The following PIK3C2G variants were observed in gnomAD, a reference collection of about 807,000 sequenced individuals.
PIK3C2G encodes the protein phosphatidylinositol-4-phosphate 3-kinase catalytic subunit type 2 gamma.
PIK3C2G carries 168 observed loss-of-function variants against 181.1 expected under a neutral mutation model. That is an observed-to-expected ratio of 0.93 (90% confidence interval 0.82 to 1.05). The LOEUF (loss-of-function observed/expected upper bound fraction) is 1.05, where lower values mean the gene tolerates loss of function less well. PIK3C2G is among the 50% of genes least tolerant of loss of function. PIK3C2G has a pLI of 0.00. For synonymous variants in PIK3C2G, 573 were observed against 592.2 expected (o/e 0.97, Z 0.47); for missense variants, 1,869 against 1,732.8 (o/e 1.08, Z -1.40).
chr12:18,705,084 C>A, the PIK3C2G span: 3 of 1,528,510 alleles, frequency 2.0e-6, no homozygotes, highest in East Asian at 4.5e-5. Context: ...TGGTCTCTAG[C>A]CCAGTTTCAC....
the PIK3C2G span, chr12:18,705,399 TA>T: frequency 6.6e-7 from 1 of 1,509,936 alleles, no homozygotes; most frequent in African/African-American, 1.4e-5. Context: ...TAATGTATTT[TA>T]AAACTTACTT....
At chr12:18,558,922 A>C (rs946978992) in intron 26 of PIK3C2G, among the ~76,000 whole-genome samples, 3 of 152,206 alleles carry the variant, frequency 2.0e-5, no homozygotes, top group African/African-American at 7.2e-5. Context: ...AGGGCGAAAA[A>C]CTTCCATCTC....
intron 29 of PIK3C2G, among the ~76,000 whole-genome samples, chr12:18,590,764 T>G (rs1171814830): frequency 6.6e-6 from 1 of 151,970 alleles, no homozygotes; most frequent in Non-Finnish European, 1.5e-5. Context: ...TTCATCTCTT[T>G]TATTGATTTA....
At chr12:18,723,259 A>C in the PIK3C2G span, 1 of 1,485,976 alleles carries the variant, frequency 6.7e-7, no homozygotes, top group Non-Finnish European at 9.1e-7. Flanking sequence ...TGAAAAAAGA[A>C]AAAATACTTC....
At chr12:18,265,541 A>C (rs1380072942) in intron 1 of PIK3C2G, among the ~76,000 whole-genome samples, 1 of 152,118 alleles carries the variant, frequency 6.6e-6, no homozygotes, top group Non-Finnish European at 1.5e-5. Flanking sequence ...ACTTATGTAA[A>C]AATTTCAATA....
chr12:18,293,872 T>C (rs375117082), intron 4 of PIK3C2G, 29 bp from the exon 5 acceptor site: 15 of 1,100,810 alleles, frequency 1.4e-5, no homozygotes, highest in African/African-American at 1.2e-4. Flanking sequence ...ACACTTTTAT[T>C]GACTTTTATT....
chr12:18,532,118 T>G (rs1055478128), intron 24 of PIK3C2G, among the ~76,000 whole-genome samples: 1 of 151,802 alleles, frequency 6.6e-6, no homozygotes, highest in African/African-American at 2.4e-5. Flanking sequence ...AGTTGCATTT[T>G]CCTAGTGGTT....
At chr12:18,457,453 T>A (rs1947692303) in intron 18 of PIK3C2G, among the ~76,000 whole-genome samples, 1 of 152,150 alleles carries the variant, frequency 6.6e-6, no homozygotes, top group Non-Finnish European at 1.5e-5. Context: ...CCATTCTTAG[T>A]GCCACCTGCA....
At chr12:18,699,968 TAA>T in the PIK3C2G span, 1 of 1,599,490 alleles carries the variant, frequency 6.3e-7, no homozygotes, top group East Asian at 2.2e-5. Flanking sequence ...TAAAATGCAG[TAA>T]TTTTACATTT....
At position 18,572,132 on chromosome 12, in the gene PIK3C2G, C is replaced by T. The variant is rs1043022131; in HGVS notation, c.4011+5075C>T. Among the ~76,000 whole-genome samples, 6 of 151,186 alleles carry T rather than the reference C, an allele frequency of 4.0e-5. 1 individual carries two copies. Among genetic ancestry groups the T allele is most frequent in the African/African-American group, 1.5e-4 (6 of 41,136 alleles). On this transcript the variant is annotated intron_variant, in intron 29 of 32. Coordinates refer to ENST00000538779, the MANE Select transcript of PIK3C2G (RefSeq NM_001288772.2). The stretch of plus-strand genomic sequence containing the variant: ...TAGAGCCCTATGCCTATTTAACCCA[C>T]TTGTGTCTTATATTATTTACAAATA...
intron 1 of PIK3C2G, among the ~76,000 whole-genome samples, chr12:18,278,490 G>A (rs1949078110): frequency 6.6e-6 from 1 of 152,154 alleles, no homozygotes; most frequent in Admixed American, 6.5e-5. Context: ...TTCATCTGCA[G>A]CCTTAAATCC....
chr12:18,652,019 T>C (rs1950541172), downstream of PIK3C2G, among the ~76,000 whole-genome samples: 1 of 152,168 alleles, frequency 6.6e-6, no homozygotes, highest in East Asian at 1.9e-4. Flanking sequence ...ATAAAACATA[T>C]TTTCTTTGTT....
rs1323826202 is a variant in PIK3C2G, at chr12:18,546,378, A to G, written c.3536A>G (p.Tyr1179Cys). The G allele has an allele frequency of 2.5e-6, 4 of 1,602,058 alleles. No individual in the cohort carries two copies. Among genetic ancestry groups the G allele is most frequent in the South Asian group, 1.1e-5 (1 of 88,828 alleles). The change falls in exon 26 of 33, where the codon TAT (tyrosine) becomes TGT (cysteine). Residue 1179 changes from tyrosine to cysteine, a missense_variant. Coordinates refer to ENST00000538779, the MANE Select transcript of PIK3C2G (RefSeq NM_001288772.2). ...LSGIQDLKYV[Y>C]NNLRPQDTDL... ...GGAATTCAAGACCTGAAATATGTGT[A>G]TAATAATCTTCGTCCACAAGACACA...
chr12:18,585,695 G>T (rs1026941183), intron 29 of PIK3C2G, among the ~76,000 whole-genome samples: 4 of 152,108 alleles, frequency 2.6e-5, no homozygotes, highest in Non-Finnish European at 5.9e-5. Context: ...GGACCAAATG[G>T]ATCTAACAGA....
the PIK3C2G span, among the ~76,000 whole-genome samples, chr12:18,707,797 G>T: frequency 6.6e-6 from 1 of 152,096 alleles, no homozygotes; most frequent in African/African-American, 2.4e-5. Context: ...ACCTTGTTCA[G>T]CTGGGAAGTC....
chr12:18,320,718 C>T (rs1190541997), intron 6 of PIK3C2G, among the ~76,000 whole-genome samples: 3 of 152,184 alleles, frequency 2.0e-5, no homozygotes, highest in African/African-American at 7.2e-5. Context: ...TTGCTGATGC[C>T]ACGATGTTTT....
At chr12:18,533,316 A>G (rs1013002015) in intron 24 of PIK3C2G, among the ~76,000 whole-genome samples, 3 of 152,082 alleles carry the variant, frequency 2.0e-5, no homozygotes, top group Non-Finnish European at 4.4e-5. Context: ...GCTACCTCCA[A>G]ATGTTGCACT....
intron 5 of PIK3C2G, among the ~76,000 whole-genome samples, chr12:18,299,006 T>C (rs1448722729): frequency 6.6e-6 from 1 of 152,016 alleles, no homozygotes; most frequent in Non-Finnish European, 1.5e-5. Flanking sequence ...CTGTTCTTTT[T>C]GCTCAAGATT....
intron 18 of PIK3C2G, among the ~76,000 whole-genome samples, chr12:18,442,500 AGATTAGTT>A (rs1339378937): frequency 6.6e-6 from 1 of 152,164 alleles, no homozygotes; most frequent in Non-Finnish European, 1.5e-5. Context: ...GATTTGGAGG[AGATTAGTT>A]GAGGTGAATT....
Sources: allele counts gnomAD v4.1 joint callset (sites outside exome capture counted in the v4.1 genomes callset), GRCh38; gene constraint gnomAD v4.1.1; transcripts MANE v1.5; gene names NCBI Gene and HGNC (gene_info 2026-07-23, HGNC 2026-07-21).